The following ZNF302 variants were observed in gnomAD, a reference collection of about 807,000 sequenced individuals.
The protein encoded by ZNF302 is zinc finger protein 302, also known as zinc finger protein 327.
In ZNF302, 12 loss-of-function variants were observed where a neutral mutation model predicts 10.8. That is an observed-to-expected ratio of 1.11 (90% CI 0.71 to 1.79). The LOEUF is 1.79. Ranked by LOEUF, ZNF302 falls within the 40% of genes most tolerant of loss-of-function variation. The probability of loss-of-function intolerance (pLI) is 0.00; values close to 1 mark genes in which losing one functional copy is unlikely to be tolerated. For missense variants in ZNF302, 461 were observed against 471.1 expected (o/e 0.98, Z 0.20); for synonymous variants, 178 against 157.5 (o/e 1.13, Z -0.98).
At chr19:34,676,026 C>T (rs903640311), upstream of ZNF302, 3 of 152,214 alleles carry the variant, frequency 2.0e-5, no homozygotes, top group African/African-American at 7.2e-5. Flanking sequence ...AAGTAGACCC[C>T]AGCGCGGTTG....
chr19:34,680,505 T>C (rs1169882383), intron 2 of ZNF302, among the ~76,000 whole-genome samples: 1 of 152,248 alleles, frequency 6.6e-6, no homozygotes, highest in Non-Finnish European at 1.5e-5. Flanking sequence ...AATTTAAATG[T>C]TGTAGCCAAG....
At position 34,684,648 on chromosome 19, in the gene ZNF302, G is replaced by C; in HGVS notation, c.611G>C (p.Ser204Thr). The change falls in exon 5 of 5, where the codon AGT becomes ACT. Residue 204 changes from serine (S) to threonine (T), a missense_variant. By Grantham distance (58) the Ser-to-Thr change is moderately conservative (BLOSUM62 1). Transcript: ENST00000505242. Reference protein sequence around the residue: ...TCNREKIYTCSECGKAFGKQS... With the variant: ...TCNREKIYTCTECGKAFGKQS... ...AATAGAGAGAAAATCTATACATGCA[G>C]TGAATGTGGGAAAGCCTTTGGCAAA... The C allele has an allele frequency of 1.2e-6, 2 of 1,614,078 alleles. No homozygotes were observed. Among genetic ancestry groups the C allele is most frequent in the Non-Finnish European group, 1.7e-6 (2 of 1,179,916 alleles).
chr19:34,678,894 C>A, intron 2 of ZNF302, 81 bp downstream of exon 2: 1 of 1,553,012 alleles, frequency 6.4e-7, no homozygotes, highest in Non-Finnish European at 8.9e-7. Context: ...TGCCTGTTCC[C>A]ACCTAATCAA....
chr19:34,683,017 A>C (rs1173882854), intron 3 of ZNF302, 120 bp downstream of exon 3: 1 of 1,568,948 alleles, frequency 6.4e-7, no homozygotes, highest in African/African-American at 1.4e-5. Flanking sequence ...GGAAATGTGC[A>C]GCTCTGTTGT....
upstream of ZNF302, chr19:34,676,667 G>A (rs77853003): frequency 0.016 from 2,494 of 152,188 alleles, 44 homozygotes; most frequent in South Asian, 0.084. Flanking sequence ...GGTCGGATCC[G>A]GACCCCTTTC....
intron 3 of ZNF302, 114 bp from the exon 4 acceptor site, chr19:34,683,041 C>G: frequency 6.4e-7 from 1 of 1,572,416 alleles, no homozygotes; most frequent in South Asian, 1.2e-5. Context: ...CTGCCTAAAG[C>G]TTATCTTTCC....
At position 34,684,734 on chromosome 19, in the gene ZNF302, G is replaced by C; in HGVS notation, c.697G>C (p.Glu233Gln). 6 of 1,614,046 alleles carry C rather than the reference G, an allele frequency of 3.7e-6. No homozygotes were observed. Among genetic ancestry groups the C allele is most frequent in the Non-Finnish European group, 5.1e-6 (6 of 1,179,944 alleles). The change falls in exon 5 of 5, where the codon GAA becomes CAA. Residue 233 changes from glutamate to glutamine, a missense_variant. Glu to Gln is a conservative substitution (Grantham distance 29). Coordinates refer to ENST00000505242, the MANE Select transcript of ZNF302 (RefSeq NM_001289187.2). ...HTGEKPYECR[E>Q]CGKTFSHGSS... ...AGGAGAGAAGCCCTATGAATGTCGT[G>C]AATGTGGGAAGACTTTTAGCCATGG...
chr19:34,681,157 A>G (rs2068322780), intron 2 of ZNF302: 1 of 152,494 alleles, frequency 6.6e-6, no homozygotes, highest in South Asian at 2.1e-4. Context: ...TACAATACTG[A>G]ATGAACTCTC....
chr19:34,682,050 G>C (rs2068377240), intron 2 of ZNF302: 1 of 152,184 alleles, frequency 6.6e-6, no homozygotes. Context: ...GCAGGCATCT[G>C]GCAAGGGCCT....
At chr19:34,684,156 GC>G (rs1280372839) in intron 4 of ZNF302, 95 bp from the exon 5 acceptor site, 1 of 595,660 alleles carries the variant, frequency 1.7e-6, no homozygotes. Flanking sequence ...CACTGTAGAA[GC>G]TTTTTTCAAG....
In ZNF302 at chr19:34,684,945, A is replaced by G. The variant is rs368892858; in HGVS notation, c.908A>G (p.His303Arg). 6.8e-6 allele frequency: 11 copies of G among 1,613,920 alleles called. 1 individual carries two copies. Among genetic ancestry groups the G allele is most frequent in the Non-Finnish European group, 9.3e-6 (11 of 1,179,944 alleles). ...AGTCGTGTGTCCCTTCTCATTCAGCATCTAAGAATTCATACGCAAGAAAAA... is the reference window on the plus strand; with the variant it reads ...AGTCGTGTGTCCCTTCTCATTCAGCGTCTAAGAATTCATACGCAAGAAAAA... ...SFSRVSLLIQHLRIHTQEKRY... is the reference protein window; with the variant it reads ...SFSRVSLLIQRLRIHTQEKRY... The change falls in exon 5 of 5, where the codon CAT becomes CGT. Residue 303 changes from histidine to arginine, a missense_variant. By Grantham distance (29) the His-to-Arg change is conservative (BLOSUM62 0). Coordinates refer to ENST00000505242, the MANE Select transcript of ZNF302 (RefSeq NM_001289187.2).
intron 3 of ZNF302, 77 bp downstream of exon 3, chr19:34,682,974 G>C: frequency 1.3e-6 from 2 of 1,592,312 alleles, no homozygotes; most frequent in South Asian, 1.1e-5. Context: ...ATTCTCCTAA[G>C]TAAATGGCTG....
intron 2 of ZNF302, among the ~76,000 whole-genome samples, chr19:34,681,063 A>G (rs2068316733): frequency 1.3e-5 from 2 of 152,184 alleles, no homozygotes; most frequent in African/African-American, 4.8e-5. Context: ...ATTTTCTCCA[A>G]ACCTGAGAAA....
Position 34,685,145 on chromosome 19 carries a change from G to T in ZNF302, c.1108G>T (p.Glu370Ter). 1 of 1,610,906 alleles carries T rather than the reference G, an allele frequency of 6.2e-7. No homozygotes were observed. ...QRIHSMKKKY[E>*]CNKCLKVFSS... The stretch of plus-strand genomic sequence containing the variant: ...AATTCACAGTATGAAGAAAAAATAT[G>T]AATGCAACAAATGTCTCAAGGTCTT... The change falls in exon 5 of 5, where the codon GAA becomes TAA. Residue 370 changes from glutamate (E) to a stop codon, truncating the protein, a stop_gained. Transcript: ENST00000505242. LOFTEE classifies it low-confidence loss of function (END_TRUNC).
chr19:34,682,656 G>A (rs1185131300), intron 2 of ZNF302, 121 bp from the exon 3 acceptor site: 2 of 1,456,276 alleles, frequency 1.4e-6, no homozygotes, highest in Non-Finnish European at 1.9e-6. Flanking sequence ...CACATTCCCA[G>A]TCATTGTCAC....
rs758456022 is a variant in ZNF302 at position 34,684,260 on chromosome 19, T to G, written c.223T>G (p.Ser75Ala). ...TTCTTGATATATTTCAGATTGGGAA[T>G]CAAGATGGGAAAACAAGGAATTATC... is the stretch of plus-strand genomic sequence containing the variant. ...MEKKLSKDWESRWENKELSTK... is the reference protein window; with the variant it reads ...MEKKLSKDWEARWENKELSTK... The change falls in exon 5 of 5, where the codon TCA (serine) becomes GCA (alanine). Residue 75 changes from serine (S) to alanine (A), a missense_variant. Physicochemically the swap from Ser to Ala is moderately conservative, Grantham distance 99. Transcript: ENST00000505242. 7.4e-7 allele frequency: 1 copy of G among 1,346,282 alleles called. No homozygotes were observed. The allele number at this position is 1,346,282 out of a possible 1,614,324, so 83.4% of individuals were successfully genotyped here. A position where few individuals can be genotyped will look rare whatever the true frequency, so the allele number is the denominator to read the frequency against.
intron 2 of ZNF302, 37 bp from the exon 3 acceptor site, chr19:34,682,740 G>C (rs776568948): frequency 7.4e-6 from 12 of 1,611,784 alleles, no homozygotes; most frequent in Non-Finnish European, 1.0e-5. Context: ...GAAGAGGCCT[G>C]GGCTATGGCT....
At chr19:34,681,103 C>A (rs968693372) in intron 2 of ZNF302, among the ~76,000 whole-genome samples, 1 of 152,082 alleles carries the variant, frequency 6.6e-6, no homozygotes, top group African/African-American at 2.4e-5. Flanking sequence ...ACCAAAGATC[C>A]ATGTCACTGG....
At chr19:34,683,075 A>C (rs1210483543) in intron 3 of ZNF302, 80 bp from the exon 4 acceptor site, 5 of 1,595,846 alleles carry the variant, frequency 3.1e-6, no homozygotes, top group South Asian at 1.1e-5. Flanking sequence ...CCCTTCATCC[A>C]TTCCTGTGGT....
Sources: gnomAD v4.1 joint callset for allele counts (sites outside exome capture counted in the v4.1 genomes callset) on GRCh38, gnomAD v4.1.1 for gene constraint, MANE v1.5 for transcripts, NCBI Gene and HGNC (gene_info 2026-07-23, HGNC 2026-07-21) for gene names.